The following NFIX variants were observed in gnomAD, a reference collection of about 807,000 sequenced individuals.
NFIX encodes nuclear factor I X.
Under a neutral mutation model 53.3 loss-of-function variants are expected in NFIX, and 2 were observed. That is an observed-to-expected ratio of 0.04 (90% confidence interval 0.02 to 0.12). The LOEUF is 0.12. Among genes scored for constraint, NFIX ranks in the 10% least tolerant of loss-of-function variants. The pLI, the probability that NFIX is intolerant of heterozygous loss-of-function variation, is 1.00. For missense variants in NFIX, 310 were observed against 674.5 expected, an observed-to-expected ratio of 0.46 and a Z score of 5.99; for synonymous variants, 244 against 289.0, an observed-to-expected ratio of 0.84 and a Z score of 1.58.
rs1177083394 is a variant in NFIX at position 13,088,379 on chromosome 19, C to T, written c.1402+243C>T. On this transcript the variant is annotated intron_variant, in intron 9 of 10. Coordinates refer to ENST00000592199, the MANE Select transcript of NFIX (RefSeq NM_001365902.3). The surrounding 1 kb of genome is among the most constrained non-coding windows in gnomAD (Gnocchi z 5.9). ...CCAGCCGGGGCCCCTGGCCCAGGCC[C>T]CTCTGGGGGGCGGGAGGGAGAGCAC... Among the ~76,000 whole-genome samples the T allele has an allele frequency of 6.6e-6, 1 of 152,148 alleles. No individual in the cohort carries two copies. Among genetic ancestry groups the T allele is most frequent in the Admixed American group, 6.5e-5 (1 of 15,288 alleles).
chr19:13,003,105 G>T (rs1480361644), intron 1 of NFIX, among the ~76,000 whole-genome samples: 1 of 152,046 alleles, frequency 6.6e-6, no homozygotes, highest in Non-Finnish European at 1.5e-5. Context: ...GGGAGTTGGG[G>T]GGGGGTTTAT....
chr19:13,057,113 A>G (rs897848813), intron 2 of NFIX, among the ~76,000 whole-genome samples: 1 of 152,218 alleles, frequency 6.6e-6, no homozygotes, highest in African/African-American at 2.4e-5. Context: ...GCAAGGCCGC[A>G]CTTGTCACCC....
intron 2 of NFIX, among the ~76,000 whole-genome samples, chr19:13,055,584 C>T (rs2015618829): frequency 6.6e-6 from 1 of 152,192 alleles, no homozygotes; most frequent in South Asian, 2.1e-4. Context: ...TCTCCTCCTC[C>T]CTCAGCCAAG....
chr19:13,067,449 C>CGTGTGTGTGCGCGCGTGTGTGT lies in NFIX; in HGVS notation c.560-5588_560-5567dup, dbSNP rs2016479540. Reference sequence around the variant, plus strand: ...GGCAAGAAGTGGTTAGTGGCACCTCCGTGTGTGTGCGCGCGTGTGTGTGTG... The same window carrying CGTGTGTGTGCGCGCGTGTGTGT: ...GGCAAGAAGTGGTTAGTGGCACCTCCGTGTGTGTGCGCGCGTGTGTGTGTGTGTGTGCGCGCGTGTGTGTGTG... On this transcript the variant is annotated intron_variant, in intron 2 of 10. Coordinates refer to ENST00000592199, the MANE Select transcript of NFIX (RefSeq NM_001365902.3). The surrounding 1 kb of genome is among the most constrained non-coding windows in gnomAD (Gnocchi z 4.2). Among the ~76,000 whole-genome samples the CGTGTGTGTGCGCGCGTGTGTGT allele has an allele frequency of 2.7e-5, 4 of 148,928 alleles. No individual in the cohort carries two copies. Among genetic ancestry groups the CGTGTGTGTGCGCGCGTGTGTGT allele is most frequent in the Admixed American group, 1.4e-4 (2 of 14,810 alleles).
At position 13,094,862 on chromosome 19, in the gene NFIX, G is replaced by A; in HGVS notation, c.*213G>A. ...CAGTTCTCAGAGAGCCCTTGGAAGG[G>A]GTCTCGGTGGAGCTGTGCACCAGCA... On this transcript the variant is annotated 3_prime_UTR_variant, in exon 11 of 11. Coordinates refer to ENST00000592199, the MANE Select transcript of NFIX (RefSeq NM_001365902.3). This position sits in a 1 kb window ranked among gnomAD's most constrained non-coding sequence, Gnocchi z 4.3. The A allele has an allele frequency of 1.7e-6, 1 of 574,910 alleles. No individual in the cohort carries two copies. Among genetic ancestry groups the A allele is most frequent in the Non-Finnish European group, 3.1e-6 (1 of 322,204 alleles). The allele number at this position is 574,910 out of a possible 1,614,324, so 35.6% of individuals were successfully genotyped here. A position where few individuals can be genotyped will look rare whatever the true frequency, so the allele number is the denominator to read the frequency against.
At position 13,025,064 on chromosome 19, in the gene NFIX, G is replaced by A; in HGVS notation, c.71G>A (p.Arg24His). ...PFIEALLPHV[R>H]AFSYTWFNLQ... ...ATCGAGGCACTGCTGCCTCACGTCC[G>A]CGCTTTCTCCTACACCTGGTTCAAC... The change falls in exon 2 of 11, where the codon CGC becomes CAC. Residue 24 changes from arginine to histidine, a missense_variant. This residue lies in a region of NFIX where 64 missense variants were observed against 144.5 expected (regional missense o/e 0.44). Transcript: ENST00000592199. This position sits in a 1 kb window ranked among gnomAD's most constrained non-coding sequence, Gnocchi z 7.5. 6.2e-7 allele frequency: 1 copy of A among 1,613,970 alleles called. No homozygotes were observed. Among genetic ancestry groups the A allele is most frequent in the Non-Finnish European group, 8.5e-7 (1 of 1,179,924 alleles).
Position 13,094,116 on chromosome 19 carries a change from C to T in NFIX, c.1495-519C>T, listed in dbSNP as rs895743539. On this transcript the variant is annotated intron_variant, in intron 10 of 10. Transcript: ENST00000592199. This position sits in a 1 kb window ranked among gnomAD's most constrained non-coding sequence, Gnocchi z 4.3. ...ACTAGGGACTGAAGCTGTGTGGTTC[C>T]CCTGCCCCCAGTCTTTCAGCCTGTG... Among the ~76,000 whole-genome samples, 4 of 152,176 alleles carry T rather than the reference C, an allele frequency of 2.6e-5. No individual in the cohort carries two copies. The highest frequency in any genetic ancestry group is 9.7e-5 in the African/African-American group (4 of 41,428).
intron 2 of NFIX, among the ~76,000 whole-genome samples, chr19:13,026,137 C>A (rs1053697602): frequency 3.3e-5 from 5 of 152,058 alleles, no homozygotes; most frequent in African/African-American, 1.2e-4. Context: ...AATACTCAGG[C>A]GGGAGCTGTT....
intron 1 of NFIX, among the ~76,000 whole-genome samples, chr19:13,020,738 C>T (rs2012921495): frequency 1.3e-5 from 2 of 152,196 alleles, no homozygotes; most frequent in Admixed American, 1.3e-4. Flanking sequence ...TGCCGCCTCT[C>T]CTCTGATCTC....
chr19:13,003,352 C>T (rs1179223669), intron 1 of NFIX, among the ~76,000 whole-genome samples: 1 of 152,140 alleles, frequency 6.6e-6, no homozygotes, highest in African/African-American at 2.4e-5. Flanking sequence ...ACGGGACACG[C>T]GCAGTCACAC....
chr19:13,014,610 C>T lies in NFIX; in HGVS notation c.28-10411C>T, dbSNP rs1375581222. 2.0e-5 allele frequency: 3 copies of T among 152,264 alleles called. No homozygotes were observed. The highest frequency in any genetic ancestry group is 4.4e-5 in the Non-Finnish European group (3 of 68,062). 9.4% of individuals were successfully genotyped at this position (152,264 alleles called of 1,614,324 possible). A position where few individuals can be genotyped will look rare whatever the true frequency, so the allele number is the denominator to read the frequency against. ...TTGAACAGTTCTTTCTTTCCAGCCC[C>T]ATATGCAATAGGAAGAGAAAATGCA... On this transcript the variant is annotated intron_variant, in intron 1 of 10. Transcript: ENST00000592199. The surrounding 1 kb of genome is among the most constrained non-coding windows in gnomAD (Gnocchi z 4.4).
chr19:13,024,887 G>A (rs867198676), intron 1 of NFIX, 134 bp from the exon 2 acceptor site: 1 of 1,335,128 alleles, frequency 7.5e-7, no homozygotes, highest in South Asian at 1.3e-5. Context: ...GGGGGAGGGA[G>A]GAGGAGGAGA....
chr19:13,054,612 T>C (rs1316464891), intron 2 of NFIX, among the ~76,000 whole-genome samples: 3 of 151,942 alleles, frequency 2.0e-5, no homozygotes, highest in African/African-American at 7.3e-5. Context: ...CGGAGCTGGG[T>C]CCGTAGCAAG....
Position 13,025,242 on chromosome 19 carries a change from C to T in NFIX, c.249C>T (p.Ile83=), listed in dbSNP as rs772935553. The T allele has an allele frequency of 3.7e-6, 6 of 1,614,128 alleles. No individual in the cohort carries two copies. The East Asian group carries it at 8.9e-5, about 24-fold the overall frequency. ...SRLLAKLRKD[I]RPEFREDFVL... The stretch of plus-strand genomic sequence containing the variant: ...TGCTGGCCAAGCTGCGCAAGGACAT[C>T]CGGCCCGAGTTCCGCGAGGACTTCG... The change falls in exon 2 of 11, where the codon ATC becomes ATT. Residue 83 remains isoleucine, a synonymous_variant. Transcript: ENST00000592199. This position sits in a 1 kb window ranked among gnomAD's most constrained non-coding sequence, Gnocchi z 7.5.
rs1034553639 is a variant in NFIX at position 13,036,273 on chromosome 19, G to T, written c.559+10721G>T. 6.6e-6 allele frequency among the ~76,000 whole-genome samples: 1 copy of T among 152,190 alleles called. No individual in the cohort carries two copies. The highest frequency in any genetic ancestry group is 2.4e-5 in the African/African-American group (1 of 41,438). ...TCCGGGAGGCTTCCTTTCTTAAAAT[G>T]GGGGGATGAAGCGTCAGTCATGCTT... On this transcript the variant is annotated intron_variant, in intron 2 of 10. Transcript: ENST00000592199. The surrounding 1 kb of genome is among the most constrained non-coding windows in gnomAD (Gnocchi z 4.7).
In NFIX at chr19:13,088,849, C is replaced by CTT. The variant is rs576656654; in HGVS notation, c.1402+716_1402+717dup. ...TCTCTGTCTCTCTTTCTTTTCTTTTCTTTTCTTTTTTTTTCCTCTTAAACC... is the reference window on the plus strand; with the variant it reads ...TCTCTGTCTCTCTTTCTTTTCTTTTCTTTTTTCTTTTTTTTTCCTCTTAAACC... On this transcript the variant is annotated intron_variant, in intron 9 of 10. Transcript: ENST00000592199. The surrounding 1 kb of genome is among the most constrained non-coding windows in gnomAD (Gnocchi z 5.9). Among the ~76,000 whole-genome samples, 153 of 151,952 alleles carry CTT rather than the reference C, an allele frequency of 1.0e-3. No individual in the cohort carries two copies. The highest frequency in any genetic ancestry group is 1.3e-3 in the Non-Finnish European group (90 of 67,936).
rs925116297 is a variant in NFIX at position 13,051,143 on chromosome 19, C to T, written c.560-21904C>T. Among the ~76,000 whole-genome samples, 13 of 152,206 alleles carry T rather than the reference C, an allele frequency of 8.5e-5. No homozygotes were observed. Among genetic ancestry groups the T allele is most frequent in the Non-Finnish European group, 1.8e-4 (12 of 68,034 alleles). ...GCCCCATGGCTTGGGTACTGTGCTG[C>T]AGATCTCATCGCTGAAGGTGTGGCT... On this transcript the variant is annotated intron_variant, in intron 2 of 10. Coordinates refer to ENST00000592199, the MANE Select transcript of NFIX (RefSeq NM_001365902.3). This position sits in a 1 kb window ranked among gnomAD's most constrained non-coding sequence, Gnocchi z 5.1.
intron 2 of NFIX, among the ~76,000 whole-genome samples, chr19:13,057,738 G>T (rs2015801228): frequency 6.6e-6 from 1 of 152,196 alleles, no homozygotes; most frequent in Non-Finnish European, 1.5e-5. Flanking sequence ...GTCTGGTTGT[G>T]GTGGGCTGGG....
chr19:13,084,168 G>A (rs1283070201), intron 8 of NFIX, among the ~76,000 whole-genome samples: 5 of 152,178 alleles, frequency 3.3e-5, no homozygotes, highest in Admixed American at 2.6e-4. Context: ...TAGGCTGGGC[G>A]TGGTGGCTCA....
Sources: gnomAD v4.1 joint callset for allele counts (sites outside exome capture counted in the v4.1 genomes callset) on GRCh38, gnomAD v4.1.1 for gene constraint, gnomAD v4.1.1 regional missense constraint, Gnocchi (gnomAD v3.1) non-coding constraint, MANE v1.5 for transcripts, NCBI Gene and HGNC (gene_info 2026-07-23, HGNC 2026-07-21) for gene names.